SHISA6: variants seen among roughly 807,000 people sequenced by gnomAD.
SHISA6 encodes the protein shisa family member 6, also known as protein shisa-6.
SHISA6 carries 22 observed loss-of-function variants against 47.9 expected under a neutral mutation model. The observed-to-expected ratio is 0.46, with a 90% CI of 0.33 to 0.66. The LOEUF (loss-of-function observed/expected upper bound fraction) is 0.66. Ranked by LOEUF, SHISA6 falls within the 30% of genes least tolerant of loss-of-function variation. The pLI is 0.02. For missense variants in SHISA6, 680 were observed against 764.6 expected, an observed-to-expected ratio of 0.89 and a Z score of 1.30; for synonymous variants, 388 against 337.8, an observed-to-expected ratio of 1.15 and a Z score of -1.63.
At chr17:11,331,991 T>C (rs1911134736) in intron 2 of SHISA6, among the ~76,000 whole-genome samples, 1 of 152,068 alleles carries the variant, frequency 6.6e-6, no homozygotes, top group East Asian at 1.9e-4. Context: ...CTCTCTTCTC[T>C]GTATCCTTCA....
In SHISA6 at chr17:11,415,078, T is replaced by TAA. The variant is rs5819316; in HGVS notation, c.895+35581_895+35582dup. On this transcript the variant is annotated intron_variant, in intron 3 of 5. Coordinates refer to ENST00000441885, the MANE Select transcript of SHISA6 (RefSeq NM_207386.4). ...GGGGCGACAAGAGCAAAACTCCATC[T>TAA]AAAAAAAAAAAAAGAAAGAAAGAAA... 5.5e-4 allele frequency among the ~76,000 whole-genome samples: 76 copies of TAA among 137,714 alleles called. No homozygotes were observed. In the East Asian group the frequency reaches 8.1e-3, roughly 15 times the overall value. The allele number at this position is 137,714 out of a possible 152,430, so 90.3% of individuals were successfully genotyped here. A position where few individuals can be genotyped will look rare whatever the true frequency, so the allele number is the denominator to read the frequency against.
chr17:11,404,738 G>A (rs1006588909), intron 3 of SHISA6, among the ~76,000 whole-genome samples: 5 of 152,172 alleles, frequency 3.3e-5, no homozygotes, highest in Non-Finnish European at 7.4e-5. Context: ...TAAACTCCGC[G>A]CCTTGACTTT....
chr17:11,253,150 A>G (rs8069247), intron 1 of SHISA6, among the ~76,000 whole-genome samples: 125,121 of 152,078 alleles, frequency 0.82, 53,361 homozygotes, highest in Non-Finnish European at 0.93. Flanking sequence ...TGTCTTCTCC[A>G]TCTGTCCTTG....
chr17:11,267,779 G>A lies in SHISA6; in HGVS notation c.799+4253G>A, dbSNP rs564768908. 3.9e-5 allele frequency among the ~76,000 whole-genome samples: 6 copies of A among 152,322 alleles called. No individual in the cohort carries two copies. In the South Asian group the frequency reaches 1.2e-3, roughly 32 times the overall value. ...CCTCTCCTTAATGGGTGGGGCTGAAGGGAGTGGAAGACTCAGGCTTATCTG... is the reference window on the plus strand; with the variant it reads ...CCTCTCCTTAATGGGTGGGGCTGAAAGGAGTGGAAGACTCAGGCTTATCTG... On this transcript the variant is annotated intron_variant, in intron 2 of 5. Transcript: ENST00000441885.
At chr17:11,502,102 A>G (rs971526832) in intron 3 of SHISA6, among the ~76,000 whole-genome samples, 1 of 152,180 alleles carries the variant, frequency 6.6e-6, no homozygotes, top group Non-Finnish European at 1.5e-5. Context: ...GCCATATACC[A>G]TTGCAGAGGG....
chr17:11,505,621 G>T (rs1051350617), intron 3 of SHISA6, among the ~76,000 whole-genome samples: 11 of 152,248 alleles, frequency 7.2e-5, no homozygotes, highest in South Asian at 4.1e-4. Context: ...GGCATGGATT[G>T]CAGAGCAGTG....
chr17:11,274,911 C>T (rs1329460224), intron 2 of SHISA6, among the ~76,000 whole-genome samples: 4 of 151,876 alleles, frequency 2.6e-5, no homozygotes, highest in African/African-American at 4.8e-5. Flanking sequence ...ATTGAATGGG[C>T]GAGGAGGAGA....
intron 2 of SHISA6, among the ~76,000 whole-genome samples, chr17:11,267,518 C>T (rs1908470627): frequency 1.3e-5 from 2 of 152,156 alleles, no homozygotes; most frequent in Non-Finnish European, 1.5e-5. Flanking sequence ...TTCTAATTTA[C>T]TTGGTCTATA....
In SHISA6 at chr17:11,374,702, A is replaced by G. The variant is rs1378851967; in HGVS notation, c.800-4712A>G. 2.0e-5 allele frequency among the ~76,000 whole-genome samples: 3 copies of G among 152,052 alleles called. No homozygotes were observed. In the East Asian group the frequency reaches 5.8e-4, roughly 29 times the overall value. On this transcript the variant is annotated intron_variant, in intron 2 of 5. Transcript: ENST00000441885. ...AAAAATAATAGCAAGCTCTTATCCT[A>G]AATAATACTAGTAGCCCTTAAATAG...
chr17:11,451,001 A>C (rs1415428428), intron 3 of SHISA6, among the ~76,000 whole-genome samples: 1 of 151,224 alleles, frequency 6.6e-6, no homozygotes, highest in Non-Finnish European at 1.5e-5. Flanking sequence ...AAATTAAAAA[A>C]AAAAAAAAAA....
intron 2 of SHISA6, among the ~76,000 whole-genome samples, chr17:11,278,871 G>A (rs990859536): frequency 6.6e-6 from 1 of 152,214 alleles, no homozygotes; most frequent in African/African-American, 2.4e-5. Flanking sequence ...AGGAAATGGG[G>A]CCTCTGAGGA....
chr17:11,330,031 G>A (rs901733049), intron 2 of SHISA6, among the ~76,000 whole-genome samples: 2 of 152,028 alleles, frequency 1.3e-5, no homozygotes, highest in Non-Finnish European at 1.5e-5. Flanking sequence ...GTAGAATAAG[G>A]CTTTCCATAT....
intron 3 of SHISA6, among the ~76,000 whole-genome samples, chr17:11,455,245 CCTT>C (rs1915506351): frequency 6.6e-6 from 1 of 152,088 alleles, no homozygotes; most frequent in Non-Finnish European, 1.5e-5. Context: ...ATCCTGTACT[CCTT>C]ATTTAAAATA....
intron 2 of SHISA6, among the ~76,000 whole-genome samples, chr17:11,342,288 C>T (rs74252998): frequency 0.085 from 12,890 of 151,902 alleles, 847 homozygotes; most frequent in East Asian, 0.23. Context: ...AGTCTGTGAG[C>T]AGGGAGAAGG....
intron 3 of SHISA6, among the ~76,000 whole-genome samples, chr17:11,513,765 A>G (rs2071560462): frequency 6.6e-6 from 1 of 152,198 alleles, no homozygotes; most frequent in Non-Finnish European, 1.5e-5. Context: ...CCAGAAACTC[A>G]ATCTTTTAGT....
intron 3 of SHISA6, among the ~76,000 whole-genome samples, chr17:11,532,661 T>TA (rs1399387766): frequency 6.6e-6 from 1 of 151,648 alleles, no homozygotes; most frequent in Non-Finnish European, 1.5e-5. Flanking sequence ...GTCTTGGAAT[T>TA]AGAGTTCTGA....
intron 2 of SHISA6, among the ~76,000 whole-genome samples, chr17:11,312,236 G>A (rs530519851): frequency 6.6e-6 from 1 of 151,870 alleles, no homozygotes; most frequent in East Asian, 1.9e-4. Context: ...ATTTCCCTGA[G>A]TTTTATTATC....
intron 2 of SHISA6, among the ~76,000 whole-genome samples, chr17:11,316,949 C>CTTGGA (rs1910545062): frequency 6.6e-6 from 1 of 151,992 alleles, no homozygotes; most frequent in Admixed American, 6.6e-5. Context: ...GAAAATATTC[C>CTTGGA]AGACAGTTAT....
chr17:11,397,395 C>CTGTGTGTGTGTGTGTGTGTGTGTGTG (rs3034221), intron 3 of SHISA6, among the ~76,000 whole-genome samples: 15 of 140,520 alleles, frequency 1.1e-4, no homozygotes, highest in African/African-American at 3.3e-4. Context: ...TTACCTGCCT[C>CTGTGTGTGTGTGTGTGTGTGTGTGTG]TGTGTGTGTG....
Sources: gnomAD v4.1 joint callset for allele counts (sites outside exome capture counted in the v4.1 genomes callset) on GRCh38, gnomAD v4.1.1 for gene constraint, MANE v1.5 for transcripts, NCBI Gene and HGNC (gene_info 2026-07-23, HGNC 2026-07-21) for gene names.